The following NIN variants were observed in gnomAD, a reference collection of about 807,000 sequenced individuals.
NIN encodes the protein glycogen synthase kinase 3 beta-interacting protein.
Under a neutral mutation model 257.6 loss-of-function variants are expected in NIN, and 137 were observed. That is an observed-to-expected ratio of 0.53 (90% CI 0.46 to 0.61). The LOEUF (loss-of-function observed/expected upper bound fraction) is 0.61, where lower values mean the gene tolerates loss of function less well. Among genes scored for constraint, NIN ranks in the 20% least tolerant of loss-of-function variants. The pLI is 0.00. For missense variants in NIN, 2,439 were observed against 2,501.2 expected, an observed-to-expected ratio of 0.98 and a Z score of 0.53; for synonymous variants, 918 against 919.8, an observed-to-expected ratio of 1.00 and a Z score of 0.04.
chr14:50,774,631 A>C (rs927753479), intron 7 of NIN, among the ~76,000 whole-genome samples: 6 of 152,224 alleles, frequency 3.9e-5, no homozygotes, highest in African/African-American at 1.4e-4. Flanking sequence ...GGACCTTTGT[A>C]CCAGAAATTA....
intron 15 of NIN, among the ~76,000 whole-genome samples, chr14:50,763,053 T>C (rs915392210): frequency 1.6e-4 from 24 of 152,084 alleles, no homozygotes; most frequent in African/African-American, 5.6e-4. Context: ...TCTTAAGGCC[T>C]CTTTGTCTCC....
At chr14:50,770,162 G>A (rs1312658911) in intron 12 of NIN, among the ~76,000 whole-genome samples, 1 of 152,252 alleles carries the variant, frequency 6.6e-6, no homozygotes, top group Middle Eastern at 3.4e-3. Context: ...TGGGAGAGAA[G>A]AACAAGAGAT....
chr14:50,757,954 T>C lies in NIN; in HGVS notation c.3076A>G (p.Thr1026Ala), dbSNP rs774606229. 1 of 1,614,196 alleles carries C rather than the reference T, an allele frequency of 6.2e-7. No individual in the cohort carries two copies. Among genetic ancestry groups the C allele is most frequent in the Admixed American group, 1.7e-5 (1 of 60,022 alleles). Reference sequence around the variant, plus strand: ...CTCTGAAGCATTGAGAGAGGAGATGTTGCCTGCTGCATTTCCTTTATTTTA... The same window carrying C: ...CTCTGAAGCATTGAGAGAGGAGATGCTGCCTGCTGCATTTCCTTTATTTTA... ...QSKIKEMQQATSPLSMLQSGC... is the reference protein window; with the variant it reads ...QSKIKEMQQAASPLSMLQSGC... Residue 1026 changes from threonine to alanine, a missense_variant, in exon 18 of 31, where the codon ACA (threonine) becomes GCA (alanine). By Grantham distance (58) the Thr-to-Ala change is moderately conservative (BLOSUM62 0). Around this residue, in one of 3 missense-constraint regions of NIN, gnomAD observed 2,043 missense variants for 2,050.2 expected, o/e 1.00. Transcript: ENST00000530997.
chr14:50,792,975 C>G, intron 4 of NIN, 94 bp from the exon 5 acceptor site: 1 of 1,297,394 alleles, frequency 7.7e-7, no homozygotes, highest in East Asian at 2.4e-5. Context: ...CTTATACCAA[C>G]CTCAAAATAA....
At chr14:50,735,312 G>GA (rs752189690) in intron 28 of NIN, among the ~76,000 whole-genome samples, 70 of 152,156 alleles carry the variant, frequency 4.6e-4, no homozygotes, top group Admixed American at 2.3e-3. Context: ...TACTTACTCT[G>GA]AAAAGCAGTA....
At position 50,763,931 on chromosome 14, in the gene NIN, C is replaced by T; in HGVS notation, c.1669G>A (p.Glu557Lys). 6.2e-7 allele frequency: 1 copy of T among 1,614,062 alleles called. No homozygotes were observed. The highest frequency in any genetic ancestry group is 8.5e-7 in the Non-Finnish European group (1 of 1,179,952). Residue 557 changes from glutamate to lysine, a missense_variant, in exon 15 of 31, where the codon GAG (glutamate) becomes AAG (lysine). Physicochemically the swap from Glu to Lys is moderately conservative, Grantham distance 56 (BLOSUM62 1). This residue lies in a region of NIN where 2,043 missense variants were observed against 2,050.2 expected (regional missense o/e 1.00). Transcript: ENST00000530997. ...LQDQVDELQS[E>K]LEEYRAQGRV... ...CCTTGTGCACGATATTCTTCCAGCT[C>T]AGACTGGAGTTCATCTACTTGGTCT...
Position 50,757,144 on chromosome 14 carries a change from T to G in NIN, c.3886A>C (p.Lys1296Gln). ...AATGTTTCAGTGACTTCCTCCATTT[T>G]CTTCAGCTCATCCTGCAACCTGAAA... The part of the protein sequence containing the change: ...EVFRLQDELK[K>Q]MEEVTETFLS... Residue 1296 changes from lysine (K) to glutamine (Q), a missense_variant, in exon 18 of 31, where the codon AAA (lysine) becomes CAA (glutamine). By Grantham distance (53) the Lys-to-Gln change is moderately conservative. Around this residue, in one of 3 missense-constraint regions of NIN, gnomAD observed 2,043 missense variants for 2,050.2 expected, o/e 1.00. Coordinates refer to ENST00000530997, the MANE Select transcript of NIN (RefSeq NM_020921.4). 6.2e-7 allele frequency: 1 copy of G among 1,612,562 alleles called. No homozygotes were observed. The highest frequency in any genetic ancestry group is 8.5e-7 in the Non-Finnish European group (1 of 1,179,546).
intron 16 of NIN, among the ~76,000 whole-genome samples, chr14:50,761,471 T>C (rs2042272588): frequency 6.6e-6 from 1 of 152,178 alleles, no homozygotes; most frequent in South Asian, 2.1e-4. Flanking sequence ...TCAGAACTTG[T>C]ACCTAATTTA....
chr14:50,736,309 A>ATT (rs766189882), intron 27 of NIN, among the ~76,000 whole-genome samples: 1 of 144,862 alleles, frequency 6.9e-6, no homozygotes, highest in African/African-American at 2.5e-5. Context: ...GTTTTTGTAT[A>ATT]TTTTTTTTTT....
chr14:50,738,955 T>C (rs1295440003), intron 26 of NIN, among the ~76,000 whole-genome samples: 4 of 152,146 alleles, frequency 2.6e-5, no homozygotes, highest in Admixed American at 2.0e-4. Context: ...TGAGGAGTTA[T>C]TTAGACCTGC....
At chr14:50,789,522 G>A (rs1159760310) in intron 5 of NIN, among the ~76,000 whole-genome samples, 1 of 152,212 alleles carries the variant, frequency 6.6e-6, no homozygotes, top group Non-Finnish European at 1.5e-5. Flanking sequence ...AACGAGCCGA[G>A]GTTGCGCCAC....
rs538126632 is a variant in NIN at position 50,736,711 on chromosome 14, T to G, written c.5776-1094A>C. On this transcript the variant is annotated intron_variant, in intron 27 of 30. Coordinates refer to ENST00000530997, the MANE Select transcript of NIN (RefSeq NM_020921.4). ...TTTCTTTCTGCAAAGTTTACTTGAA[T>G]GTACCTGAAATTAAATGACATTTCA... Among the ~76,000 whole-genome samples, 8 of 152,332 alleles carry G rather than the reference T, an allele frequency of 5.3e-5. No individual in the cohort carries two copies. The East Asian group carries it at 1.2e-3, about 22-fold the overall frequency.
chr14:50,751,174 A>G (rs1311099360), intron 21 of NIN, among the ~76,000 whole-genome samples: 2 of 152,170 alleles, frequency 1.3e-5, no homozygotes, highest in African/African-American at 2.4e-5. Flanking sequence ...ACTCTCCTAC[A>G]CATCAGCATC....
chr14:50,760,051 T>C lies in NIN; in HGVS notation c.2205A>G (p.Gln735=), dbSNP rs1295777073. Residue 735 remains glutamine, a synonymous_variant, in exon 17 of 31, where the codon CAA becomes CAG. Transcript: ENST00000530997. Reference sequence around the variant, plus strand: ...CTTCCCTCTCCCGCTCAAAGCTTGCTTGAGCCTGTGTCAGTCTAGCCTTGA... The same window carrying C: ...CTTCCCTCTCCCGCTCAAAGCTTGCCTGAGCCTGTGTCAGTCTAGCCTTGA... The part of the protein sequence containing the change: ...MELKARLTQA[Q]ASFEREREGL... The C allele has an allele frequency of 6.2e-7, 1 of 1,614,224 alleles. No homozygotes were observed. Among genetic ancestry groups the C allele is most frequent in the South Asian group, 1.1e-5 (1 of 91,080 alleles).
intron 5 of NIN, among the ~76,000 whole-genome samples, chr14:50,789,554 G>C (rs1022989188): frequency 6.6e-6 from 1 of 152,190 alleles, no homozygotes; most frequent in African/African-American, 2.4e-5. Flanking sequence ...CTGGGCGACA[G>C]AGCGAGACTC....
chr14:50,780,554 C>T (rs550969811), intron 5 of NIN, among the ~76,000 whole-genome samples: 1 of 152,292 alleles, frequency 6.6e-6, no homozygotes, highest in East Asian at 1.9e-4. Flanking sequence ...CTACGCTCAT[C>T]TACTTTATTC....
chr14:50,791,512 C>T (rs936723298), intron 5 of NIN, among the ~76,000 whole-genome samples: 7 of 151,604 alleles, frequency 4.6e-5, no homozygotes, highest in African/African-American at 1.7e-4. Flanking sequence ...ACATTTCTGC[C>T]ACTGCTGCTT....
rs537334280 is a variant in NIN, at chr14:50,801,464, G to T, written c.265+5273C>A. On this transcript the variant is annotated intron_variant, in intron 4 of 30. Coordinates refer to ENST00000530997, the MANE Select transcript of NIN (RefSeq NM_020921.4). ...ATTTCATTGATGCCAGCAGAACAGGGACTAAGTTCTTACTTACCTTACTTA... is the reference window on the plus strand; with the variant it reads ...ATTTCATTGATGCCAGCAGAACAGGTACTAAGTTCTTACTTACCTTACTTA... 9.2e-5 allele frequency among the ~76,000 whole-genome samples: 14 copies of T among 152,306 alleles called. No individual in the cohort carries two copies. The East Asian group carries it at 2.5e-3, about 27-fold the overall frequency.
intron 3 of NIN, among the ~76,000 whole-genome samples, chr14:50,821,071 T>C (rs1007729371): frequency 3.3e-5 from 5 of 152,224 alleles, no homozygotes. Context: ...TTTTCTCTCA[T>C]CATTCCAAAA....
Sources: allele counts gnomAD v4.1 joint callset (sites outside exome capture counted in the v4.1 genomes callset), GRCh38; gene constraint gnomAD v4.1.1; regional missense constraint gnomAD v4.1.1; transcripts MANE v1.5; gene names NCBI Gene and HGNC (gene_info 2026-07-23, HGNC 2026-07-21).